Variants in NSD3 observed in about 807,000 individuals in gnomAD.
The protein encoded by NSD3 is nuclear receptor binding SET domain protein 3, also known as histone-lysine N-methyltransferase NSD3.
Under a neutral mutation model 160.8 loss-of-function variants are expected in NSD3, and 24 were observed. That is an observed-to-expected ratio of 0.15 (90% CI 0.11 to 0.21). The LOEUF (loss-of-function observed/expected upper bound fraction) is 0.21, where lower values mean the gene tolerates loss of function less well. Among genes scored for constraint, NSD3 ranks in the 10% least tolerant of loss-of-function variants. NSD3 has a pLI of 1.00. For missense variants in NSD3, 1,157 were observed against 1,735.9 expected (o/e 0.67, Z 5.93); for synonymous variants, 520 against 600.0 (o/e 0.87, Z 1.95).
chr8:38,324,273 A>G (rs1028686636), intron 7 of NSD3, among the ~76,000 whole-genome samples: 1 of 152,134 alleles, frequency 6.6e-6, no homozygotes, highest in African/African-American at 2.4e-5. Flanking sequence ...TCCCAATTCC[A>G]TATTGAAAAA....
At chr8:38,293,450 T>C (rs1403635188) in intron 16 of NSD3, among the ~76,000 whole-genome samples, 2 of 150,862 alleles carry the variant, frequency 1.3e-5, no homozygotes, top group African/African-American at 2.4e-5. Context: ...CTCGGGGGGC[T>C]GAGGCAGGAC....
At chr8:38,348,284 A>G (rs1035580353) in intron 1 of NSD3, 69 bp from the exon 2 acceptor site, 4 of 1,273,514 alleles carry the variant, frequency 3.1e-6, no homozygotes, top group Non-Finnish European at 4.2e-6. Flanking sequence ...TCAACTGAAA[A>G]AGGATTAAAC....
At position 38,277,760 on chromosome 8, in the gene NSD3, T is replaced by C. The variant is rs1808634179; in HGVS notation, c.3867+546A>G. Among the ~76,000 whole-genome samples, 4 of 152,190 alleles carry C rather than the reference T, an allele frequency of 2.6e-5. No homozygotes were observed. In the South Asian group the frequency reaches 8.3e-4, roughly 32 times the overall value. On this transcript the variant is annotated intron_variant, in intron 22 of 23. Transcript: ENST00000317025. Reference sequence around the variant, plus strand: ...AAGTTTTAAATTAGCTTTTTGCTAATTTCATATTCAATCTGAAATGAAATA... The same window carrying C: ...AAGTTTTAAATTAGCTTTTTGCTAACTTCATATTCAATCTGAAATGAAATA...
intron 1 of NSD3, among the ~76,000 whole-genome samples, chr8:38,375,466 T>C (rs987582268): frequency 2.0e-5 from 3 of 152,216 alleles, no homozygotes; most frequent in Non-Finnish European, 4.4e-5. Flanking sequence ...ATTTAAAATA[T>C]ACCTTTACCT....
intron 2 of NSD3, 120 bp from the exon 3 acceptor site, chr8:38,338,727 A>T: frequency 3.8e-6 from 3 of 781,922 alleles, no homozygotes; most frequent in Non-Finnish European, 6.5e-6. Context: ...AAGGGCATTT[A>T]TTAACTGAAC....
chr8:38,305,897 T>C (rs1043692937), intron 12 of NSD3, among the ~76,000 whole-genome samples: 4 of 152,032 alleles, frequency 2.6e-5, no homozygotes, highest in Non-Finnish European at 5.9e-5. Context: ...ATTCGAACTA[T>C]AGAAAATCAA....
At chr8:38,305,146 CAGA>C (rs1483812163) in intron 13 of NSD3, 99 bp downstream of exon 13, 61 of 1,185,762 alleles carry the variant, frequency 5.1e-5, no homozygotes, top group South Asian at 4.5e-4. Flanking sequence ...TAGAGATACA[CAGA>C]AGAAGAATGC....
rs190141807 is a variant in NSD3 at position 38,285,915 on chromosome 8, T to C, written c.3501+2572A>G. Among the ~76,000 whole-genome samples the C allele has an allele frequency of 5.4e-4, 83 of 152,306 alleles. No homozygotes were observed. In the East Asian group the frequency reaches 0.012, roughly 22 times the overall value. Reference sequence around the variant, plus strand: ...TTGTCTTTCTCCTGGGCGACTCTAATGGTCTCCCTTTATCGCTCTTTCCTC... The same window carrying C: ...TTGTCTTTCTCCTGGGCGACTCTAACGGTCTCCCTTTATCGCTCTTTCCTC... On this transcript the variant is annotated intron_variant, in intron 19 of 23. Coordinates refer to ENST00000317025, the MANE Select transcript of NSD3 (RefSeq NM_023034.2).
At chr8:38,356,454 T>G (rs1056673637) in intron 1 of NSD3, among the ~76,000 whole-genome samples, 1 of 151,154 alleles carries the variant, frequency 6.6e-6, no homozygotes. Context: ...TGGTGGCTCA[T>G]GCCTGCAATC....
Position 38,288,809 on chromosome 8 carries a change from A to G in NSD3, c.3232-53T>C, listed in dbSNP as rs561438342. On this transcript the variant is annotated intron_variant, in intron 18 of 23. Transcript: ENST00000317025. This position sits in a 1 kb window ranked among gnomAD's most constrained non-coding sequence, Gnocchi z 4.5. ...GAGGCAGCAGGTAAGTCATCTGGCA[A>G]TGTGAACAGGAACATCTAAAACATC... 31 of 1,591,236 alleles carry G rather than the reference A, an allele frequency of 1.9e-5. No individual in the cohort carries two copies. In the South Asian group the frequency reaches 3.5e-4, roughly 18 times the overall value.
At chr8:38,370,520 G>T (rs530687609) in intron 1 of NSD3, among the ~76,000 whole-genome samples, 1 of 151,964 alleles carries the variant, frequency 6.6e-6, no homozygotes, top group Admixed American at 6.6e-5. Flanking sequence ...AAAATGGGAC[G>T]TAGGAGCATC....
At chr8:38,291,098 T>C (rs551612943) in intron 16 of NSD3, among the ~76,000 whole-genome samples, 1 of 152,352 alleles carries the variant, frequency 6.6e-6, no homozygotes, top group Admixed American at 6.5e-5. Context: ...AATAAACTGA[T>C]GCTATCATAA....
chr8:38,337,267 C>T, intron 4 of NSD3, 38 bp downstream of exon 4: 6 of 1,492,530 alleles, frequency 4.0e-6, no homozygotes, highest in Non-Finnish European at 5.4e-6. Context: ...CTTTTATTTC[C>T]AACCTTTTAC....
intron 1 of NSD3, among the ~76,000 whole-genome samples, chr8:38,349,137 A>C (rs1026753471): frequency 4.6e-5 from 7 of 152,164 alleles, no homozygotes; most frequent in Admixed American, 6.5e-5. Flanking sequence ...TGCTTATTTA[A>C]CTTAACAATA....
intron 4 of NSD3, 101 bp downstream of exon 4, chr8:38,337,204 A>G (rs895954214): frequency 9.5e-7 from 1 of 1,056,784 alleles, no homozygotes; most frequent in African/African-American, 1.7e-5. Context: ...TTTTTGTATC[A>G]GATTATATAT....
intron 2 of NSD3, among the ~76,000 whole-genome samples, chr8:38,346,224 CATATGT>C (rs1260726652): frequency 6.8e-6 from 1 of 147,462 alleles, no homozygotes; most frequent in East Asian, 2.0e-4. Flanking sequence ...TGTATATATG[CATATGT>C]ATATGTGTGT....
chr8:38,378,225 G>T (rs1054915870), intron 1 of NSD3, among the ~76,000 whole-genome samples: 1 of 152,136 alleles, frequency 6.6e-6, no homozygotes, highest in Non-Finnish European at 1.5e-5. Flanking sequence ...CTCCATCTTG[G>T]CCGGGCGTGT....
chr8:38,318,065 A>G lies in NSD3; in HGVS notation c.1855+830T>C, dbSNP rs1809711435. On this transcript the variant is annotated intron_variant, in intron 9 of 23. Transcript: ENST00000317025. This position sits in a 1 kb window ranked among gnomAD's most constrained non-coding sequence, Gnocchi z 5.3. ...TGTGGAATGGTGGAAACACAACGCA[A>G]TCAGGCCTCCTAATCTCGCAGCGAT... 1 of 1,613,800 alleles carries G rather than the reference A, an allele frequency of 6.2e-7. No homozygotes were observed. Among genetic ancestry groups the G allele is most frequent in the Non-Finnish European group, 8.5e-7 (1 of 1,179,868 alleles).
intron 15 of NSD3, among the ~76,000 whole-genome samples, chr8:38,296,468 T>C (rs1809147338): frequency 6.6e-6 from 1 of 152,152 alleles, no homozygotes. Context: ...TTTCTTTCCA[T>C]AAAGAATACA....
Sources: allele counts gnomAD v4.1 joint callset (sites outside exome capture counted in the v4.1 genomes callset), GRCh38; gene constraint gnomAD v4.1.1; non-coding constraint Gnocchi (gnomAD v3.1); transcripts MANE v1.5; gene names NCBI Gene and HGNC (gene_info 2026-07-23, HGNC 2026-07-21).